The following TMEFF2 variants were observed in gnomAD, a reference collection of about 807,000 sequenced individuals.
The protein encoded by TMEFF2 is transmembrane protein with EGF like and two follistatin like domains 2.
In TMEFF2, 28 loss-of-function variants were observed where a neutral mutation model predicts 53.8. The ratio of observed to expected loss-of-function variants is 0.52; its 90% confidence interval spans 0.39 to 0.71. TMEFF2 has a LOEUF of 0.71. Among genes scored for constraint, TMEFF2 ranks in the 30% least tolerant of loss-of-function variants. The pLI is 0.00. For synonymous variants in TMEFF2, 162 were observed against 166.3 expected (o/e 0.97, Z 0.20); for missense variants, 353 against 455.2 (o/e 0.78, Z 2.04).
At chr2:192,188,619 T>A (rs1691375452) in intron 2 of TMEFF2, among the ~76,000 whole-genome samples, 1 of 152,136 alleles carries the variant, frequency 6.6e-6, no homozygotes, top group South Asian at 2.1e-4. Context: ...ATAAGAACAT[T>A]TGTAGATCTA....
At chr2:192,052,913 C>T (rs1687808401) in intron 5 of TMEFF2, among the ~76,000 whole-genome samples, 1 of 152,114 alleles carries the variant, frequency 6.6e-6, no homozygotes, top group African/African-American at 2.4e-5. Context: ...GAATTTTAAC[C>T]CTCTTTTGGA....
At chr2:192,118,089 A>G (rs1689460249) in intron 4 of TMEFF2, among the ~76,000 whole-genome samples, 1 of 152,026 alleles carries the variant, frequency 6.6e-6, no homozygotes, top group South Asian at 2.1e-4. Context: ...AATAAAATTA[A>G]TCTACTTGAG....
At chr2:192,167,429 A>G (rs1268701399) in intron 4 of TMEFF2, among the ~76,000 whole-genome samples, 4 of 152,180 alleles carry the variant, frequency 2.6e-5, no homozygotes, top group African/African-American at 4.8e-5. Flanking sequence ...GAGAATGTAT[A>G]AAACTAATAC....
In TMEFF2 at chr2:191,960,186, C is replaced by T. The variant is rs1692233522; in HGVS notation, c.746-3808G>A. ...CTACACCCAGCCCAAGTTGGTGTGT[C>T]TTAAAAAACCAGCCTGAACTAGCCA... is the stretch of plus-strand genomic sequence containing the variant. On this transcript the variant is annotated intron_variant, in intron 7 of 9. Coordinates refer to ENST00000272771, the MANE Select transcript of TMEFF2 (RefSeq NM_016192.4). Among the ~76,000 whole-genome samples, 4 of 152,222 alleles carry T rather than the reference C, an allele frequency of 2.6e-5. No homozygotes were observed. The South Asian group carries it at 8.3e-4, about 32-fold the overall frequency.
At chr2:192,191,406 G>GT (rs1360486036) in intron 2 of TMEFF2, among the ~76,000 whole-genome samples, 1 of 152,040 alleles carries the variant, frequency 6.6e-6, no homozygotes, top group African/African-American at 2.4e-5. Flanking sequence ...AGAACAAAGT[G>GT]TTGAGGTTAC....
At position 191,972,722 on chromosome 2, in the gene TMEFF2, A is replaced by T. The variant is rs189871408; in HGVS notation, c.746-16344T>A. On this transcript the variant is annotated intron_variant, in intron 7 of 9. Coordinates refer to ENST00000272771, the MANE Select transcript of TMEFF2 (RefSeq NM_016192.4). Reference sequence around the variant, plus strand: ...TATGTATTGCAAAATGGTAGGAACTATTCCAAGATGATGCAGTTTTTGGCT... The same window carrying T: ...TATGTATTGCAAAATGGTAGGAACTTTTCCAAGATGATGCAGTTTTTGGCT... Among the ~76,000 whole-genome samples, 35 of 152,326 alleles carry T rather than the reference A, an allele frequency of 2.3e-4. No homozygotes were observed. In the East Asian group the frequency reaches 6.8e-3, roughly 29 times the overall value.
intron 8 of TMEFF2, among the ~76,000 whole-genome samples, chr2:191,955,676 C>T (rs1425886540): frequency 6.6e-6 from 1 of 151,492 alleles, no homozygotes; most frequent in African/African-American, 2.4e-5. Context: ...AAACTAAATC[C>T]AGATAAACAA....
In TMEFF2 at chr2:191,986,686, T is replaced by C. The variant is rs1685983578; in HGVS notation, c.745+11576A>G. ...CAGCCTGACCAACATGGTAAAACCATGTATCTACTAAAAATACAAAAATTA... is the reference window on the plus strand; with the variant it reads ...CAGCCTGACCAACATGGTAAAACCACGTATCTACTAAAAATACAAAAATTA... On this transcript the variant is annotated intron_variant, in intron 7 of 9. Transcript: ENST00000272771. 2.0e-5 allele frequency among the ~76,000 whole-genome samples: 3 copies of C among 151,480 alleles called. No homozygotes were observed. In the South Asian group the frequency reaches 6.2e-4, roughly 32 times the overall value.
intron 5 of TMEFF2, chr2:192,038,092 TTC>T (rs1687376397): frequency 6.6e-6 from 1 of 152,206 alleles, no homozygotes. Context: ...ATACATTTCT[TTC>T]TGTTTCTTCA....
intron 4 of TMEFF2, among the ~76,000 whole-genome samples, chr2:192,063,946 T>G (rs984517009): frequency 3.3e-5 from 5 of 151,148 alleles, no homozygotes; most frequent in African/African-American, 1.2e-4. Flanking sequence ...TAAAATGTGT[T>G]TCTTTTAAAC....
intron 7 of TMEFF2, among the ~76,000 whole-genome samples, chr2:191,969,841 A>G (rs961253129): frequency 6.6e-6 from 1 of 152,218 alleles, no homozygotes; most frequent in South Asian, 2.1e-4. Flanking sequence ...TGATTGTGCT[A>G]TGAGTATTTC....
chr2:192,193,178 A>C (rs552706019), intron 1 of TMEFF2, among the ~76,000 whole-genome samples: 2 of 152,228 alleles, frequency 1.3e-5, no homozygotes, highest in Non-Finnish European at 2.9e-5. Context: ...AAGACACTTT[A>C]TTCAGAGCCA....
At chr2:192,125,776 G>T (rs1326988607) in intron 4 of TMEFF2, among the ~76,000 whole-genome samples, 1 of 152,170 alleles carries the variant, frequency 6.6e-6, no homozygotes, top group Admixed American at 6.6e-5. Flanking sequence ...CGCAGGAACA[G>T]AAAACCAAAC....
In TMEFF2 at chr2:192,162,292, G is replaced by A. The variant is rs1254375748; in HGVS notation, c.439+17376C>T. Among the ~76,000 whole-genome samples the A allele has an allele frequency of 5.9e-5, 9 of 152,126 alleles. No homozygotes were observed. In the East Asian group the frequency reaches 1.7e-3, roughly 29 times the overall value. ...AAACCCCTTAAAATCAGGGGTGAGT[G>A]TGCTGTGTCTGTTATTTATGGATTA... On this transcript the variant is annotated intron_variant, in intron 4 of 9. Coordinates refer to ENST00000272771, the MANE Select transcript of TMEFF2 (RefSeq NM_016192.4).
intron 2 of TMEFF2, among the ~76,000 whole-genome samples, chr2:192,189,032 TA>T (rs893336161): frequency 7.2e-5 from 11 of 151,754 alleles, no homozygotes; most frequent in Non-Finnish European, 1.5e-4. Context: ...AATAAAAGTT[TA>T]AAAAAGGGGG....
At chr2:191,950,857 T>G (rs906212745) in intron 9 of TMEFF2, among the ~76,000 whole-genome samples, 19 of 152,220 alleles carry the variant, frequency 1.2e-4, no homozygotes, top group African/African-American at 4.3e-4. Flanking sequence ...ATATCTGATA[T>G]GTAATGGAAA....
At chr2:192,087,201 C>T (rs1002225042) in intron 4 of TMEFF2, among the ~76,000 whole-genome samples, 2 of 151,982 alleles carry the variant, frequency 1.3e-5, no homozygotes, top group African/African-American at 4.8e-5. Context: ...TAGAGTAATT[C>T]ATTCACTATG....
At chr2:192,069,478 A>G (rs1427532028) in intron 4 of TMEFF2, among the ~76,000 whole-genome samples, 1 of 151,804 alleles carries the variant, frequency 6.6e-6, no homozygotes. Context: ...GATTTCAGGT[A>G]TGAAAGAAGA....
intron 5 of TMEFF2, among the ~76,000 whole-genome samples, chr2:192,029,800 A>G (rs967344291): frequency 6.6e-6 from 1 of 152,246 alleles, no homozygotes; most frequent in Non-Finnish European, 1.5e-5. Context: ...GTTGAGATAG[A>G]TAACATTTTT....
Sources: allele counts gnomAD v4.1 joint callset (sites outside exome capture counted in the v4.1 genomes callset), GRCh38; gene constraint gnomAD v4.1.1; transcripts MANE v1.5; gene names NCBI Gene and HGNC (gene_info 2026-07-23, HGNC 2026-07-21).